The following NLRP7 variants were observed in gnomAD, a reference collection of about 807,000 sequenced individuals.
NLRP7 encodes the protein NLR family pyrin domain containing 7.
Under a neutral mutation model 85.5 loss-of-function variants are expected in NLRP7, and 72 were observed. The observed-to-expected ratio is 0.84, with a 90% CI of 0.70 to 1.02. The LOEUF (loss-of-function observed/expected upper bound fraction) is 1.02. NLRP7 is among the 50% of genes least tolerant of loss of function. NLRP7 has a pLI of 0.00. For missense variants in NLRP7, 1,243 were observed against 1,219.5 expected, an observed-to-expected ratio of 1.02 and a Z score of -0.29; for synonymous variants, 550 against 505.2, an observed-to-expected ratio of 1.09 and a Z score of -1.19.
At chr19:54,929,670 G>A (rs2068590338) in intron 9 of NLRP7, among the ~76,000 whole-genome samples, 1 of 152,146 alleles carries the variant, frequency 6.6e-6, no homozygotes, top group Non-Finnish European at 1.5e-5. Context: ...GCATGCTGCT[G>A]AAGTCCAGGT....
rs181490854 is a variant in NLRP7 at position 54,962,018 on chromosome 19, C to T, written c.-77+4022G>A. On this transcript the variant is annotated intron_variant, in intron 1 of 2. Transcript: ENST00000587103. Reference sequence around the variant, plus strand: ...ATCTCTACTAGAACTACAAAATTAGCCGGGCGTGGTGGTACATGCCTGTAA... The same window carrying T: ...ATCTCTACTAGAACTACAAAATTAGTCGGGCGTGGTGGTACATGCCTGTAA... Among the ~76,000 whole-genome samples, 222 of 150,370 alleles carry T rather than the reference C, an allele frequency of 1.5e-3. 1 individual carries two copies. The highest frequency in any genetic ancestry group is 2.6e-3 in the Non-Finnish European group (174 of 67,558).
At chr19:54,935,521 C>A (rs1039996499) in intron 6 of NLRP7, among the ~76,000 whole-genome samples, 1 of 151,954 alleles carries the variant, frequency 6.6e-6, no homozygotes, top group Admixed American at 6.6e-5. Flanking sequence ...CATGGTGAAA[C>A]CCTGTCTCTA....
chr19:54,965,835 GA>G (rs1289601042), intron 1 of NLRP7, among the ~76,000 whole-genome samples: 1 of 87,878 alleles, frequency 1.1e-5, no homozygotes, highest in African/African-American at 4.5e-5. Flanking sequence ...GGAATCACTT[GA>G]AGCCGGCAGG....
chr19:54,962,894 G>A (rs1393572612), intron 1 of NLRP7, among the ~76,000 whole-genome samples: 1 of 152,136 alleles, frequency 6.6e-6, no homozygotes, highest in South Asian at 2.1e-4. Context: ...GCACCACACT[G>A]GGCCCCCTCA....
intron 1 of NLRP7, among the ~76,000 whole-genome samples, chr19:54,947,025 G>C (rs1052968616): frequency 2.0e-5 from 3 of 151,850 alleles, no homozygotes; most frequent in Non-Finnish European, 4.4e-5. Flanking sequence ...TATTTGAATA[G>C]AAGTCCTTAA....
intron 8 of NLRP7, among the ~76,000 whole-genome samples, chr19:54,931,595 G>A (rs1184463333): frequency 1.3e-5 from 2 of 152,102 alleles, no homozygotes; most frequent in African/African-American, 4.8e-5. Context: ...GGCTGAGGCA[G>A]GAGAATCTCT....
Position 54,939,599 on chromosome 19 carries a change from T to C in NLRP7, c.1220A>G (p.Gln407Arg), listed in dbSNP as rs1360128488. 4 of 1,611,142 alleles carry C rather than the reference T, an allele frequency of 2.5e-6. No homozygotes were observed. In the African/African-American group the frequency reaches 5.3e-5, roughly 22 times the overall value. ...CAGCGTCCGCAGCGCGCCCCGCAGC[T>C]GTGCGCCCTGCGGGAACCGGCTGCA... The change falls in exon 4 of 10, where the codon CAG becomes CGG. Residue 407 changes from glutamine (Q) to arginine (R), a missense_variant. This residue lies in a region of NLRP7 where 591 missense variants were observed against 563.3 expected (regional missense o/e 1.05). Transcript: ENST00000340844.
intron 1 of NLRP7, among the ~76,000 whole-genome samples, chr19:54,958,864 C>T (rs117079849): frequency 2.6e-5 from 4 of 152,194 alleles, no homozygotes; most frequent in Non-Finnish European, 5.9e-5. Flanking sequence ...CTAAAGACTG[C>T]GCATGAAAGG....
chr19:54,932,263 A>G lies in NLRP7; in HGVS notation c.2642+1306T>C, dbSNP rs1194940400. Among the ~76,000 whole-genome samples the G allele has an allele frequency of 4.6e-5, 7 of 152,050 alleles. No homozygotes were observed. In the East Asian group the frequency reaches 1.4e-3, roughly 30 times the overall value. ...GCCAACATGGTGAAACCTCATCTCCACTAAAAGTGCAAAAATTAGCCAGGC... is the reference window on the plus strand; with the variant it reads ...GCCAACATGGTGAAACCTCATCTCCGCTAAAAGTGCAAAAATTAGCCAGGC... On this transcript the variant is annotated intron_variant, in intron 8 of 9. Transcript: ENST00000340844.
At chr19:54,949,773 T>C (rs1308153366), upstream of NLRP7, among the ~76,000 whole-genome samples, 1 of 152,114 alleles carries the variant, frequency 6.6e-6, no homozygotes, top group Non-Finnish European at 1.5e-5. Flanking sequence ...TGATCAGCAT[T>C]GCCCACCTAA....
In NLRP7 at chr19:54,939,607, C is replaced by G. The variant is rs1239620751; in HGVS notation, c.1212G>C (p.Gln404His). The G allele has an allele frequency of 2.5e-6, 4 of 1,611,136 alleles. No homozygotes were observed. The East Asian group carries it at 8.9e-5, about 36-fold the overall frequency. ...GCAGCGCGCCCCGCAGCTGTGCGCC[C>G]TGCGGGAACCGGCTGCAGAGGAAAC... Residue 404 changes from glutamine (Q) to histidine (H), a missense_variant, in exon 4 of 10, where the codon CAG (glutamine) becomes CAC (histidine). By Grantham distance (24) the Gln-to-His change is conservative. Coordinates refer to ENST00000340844, the Ensembl canonical transcript of NLRP7.
chr19:54,929,250 TC>T (rs1400234315), intron 9 of NLRP7, among the ~76,000 whole-genome samples: 1 of 151,972 alleles, frequency 6.6e-6, no homozygotes, highest in Admixed American at 6.6e-5. Flanking sequence ...ACGCCTGTAA[TC>T]CCAACTACTC....
At chr19:54,962,988 C>T (rs1451945074) in intron 1 of NLRP7, among the ~76,000 whole-genome samples, 2 of 152,140 alleles carry the variant, frequency 1.3e-5, no homozygotes, top group Non-Finnish European at 2.9e-5. Context: ...TTGTGATCTT[C>T]AAGACCTCAG....
Position 54,945,314 on chromosome 19 carries a change from G to A in NLRP7, c.-40+2155C>T, listed in dbSNP as rs1179499449. Among the ~76,000 whole-genome samples, 8 of 148,530 alleles carry A rather than the reference G, an allele frequency of 5.4e-5. No individual in the cohort carries two copies. The South Asian group carries it at 8.5e-4, about 16-fold the overall frequency. ...CTTTTTCAGAAAGTCTTGCTCTGTC[G>A]CCCAGGCTGGAGTGCAATGGTGCGA... On this transcript the variant is annotated intron_variant, in intron 1 of 9. Transcript: ENST00000340844.
At chr19:54,963,290 C>G (rs1287022404) in intron 1 of NLRP7, among the ~76,000 whole-genome samples, 1 of 152,024 alleles carries the variant, frequency 6.6e-6, no homozygotes, top group Non-Finnish European at 1.5e-5. Flanking sequence ...CTTCAGTAAG[C>G]TATGATTGTG....
At chr19:54,959,121 T>G (rs1162054338) in intron 1 of NLRP7, among the ~76,000 whole-genome samples, 1 of 151,506 alleles carries the variant, frequency 6.6e-6, no homozygotes, top group Non-Finnish European at 1.5e-5. Context: ...TTGGTTTCAC[T>G]TCCTTGTTTT....
At chr19:54,951,015 T>C (rs1382844199), upstream of NLRP7, among the ~76,000 whole-genome samples, 1 of 152,196 alleles carries the variant, frequency 6.6e-6, no homozygotes. Flanking sequence ...TTAAGGAGCA[T>C]GCTGCCTTCA....
chr19:54,939,622 G>C, exon 4 of NLRP7: 1 of 1,610,976 alleles, frequency 6.2e-7, no homozygotes, highest in Non-Finnish European at 8.5e-7. Flanking sequence ...GGAACCGGCT[G>C]CAGAGGAAAC....
intron 9 of NLRP7, among the ~76,000 whole-genome samples, chr19:54,926,263 G>C (rs909547098): frequency 2.0e-5 from 3 of 151,290 alleles, no homozygotes; most frequent in Non-Finnish European, 3.0e-5. Context: ...CTTCCAGTCT[G>C]TACTCCAGGA....
Sources: allele counts gnomAD v4.1 joint callset (sites outside exome capture counted in the v4.1 genomes callset), GRCh38; gene constraint gnomAD v4.1.1; regional missense constraint gnomAD v4.1.1; transcripts MANE v1.5; gene names NCBI Gene and HGNC (gene_info 2026-07-23, HGNC 2026-07-21).